DIP2C: variants seen among roughly 807,000 people sequenced by gnomAD.
The protein encoded by DIP2C is DIP2 acetate--CoA ligase C (putative).
DIP2C carries 33 observed loss-of-function variants against 192.4 expected under a neutral mutation model. That is an observed-to-expected ratio of 0.17 (90% CI 0.13 to 0.23). DIP2C has a LOEUF of 0.23. Among genes scored for constraint, DIP2C ranks in the 10% least tolerant of loss-of-function variants. DIP2C has a pLI of 1.00. For synonymous variants in DIP2C, 979 were observed against 864.1 expected (o/e 1.13, Z -2.33); for missense variants, 1,537 against 2,110.1 (o/e 0.73, Z 5.32).
Position 472,457 on chromosome 10 carries a change from C to A in DIP2C, c.250G>T (p.Asp84Tyr), listed in dbSNP as rs777326889. ...TGCTTACCTGACCGATAGCGCTCAT[C>A]TCGTGACCCTGAAGACCGTCGGCGG... is the stretch of plus-strand genomic sequence containing the variant. ...YHRRRSSGSR[D>Y]ERYRSDVHTE... is the part of the protein sequence containing the mutation. The change falls in exon 3 of 37, where the codon GAT becomes TAT. Residue 84 changes from aspartate (D) to tyrosine (Y), a missense_variant. This residue lies in a region of DIP2C where 473 missense variants were observed against 539.6 expected (regional missense o/e 0.88). Coordinates refer to ENST00000280886, the MANE Select transcript of DIP2C (RefSeq NM_014974.3). 1 of 1,614,190 alleles carries A rather than the reference C, an allele frequency of 6.2e-7. No homozygotes were observed. The highest frequency in any genetic ancestry group is 1.1e-5 in the South Asian group (1 of 91,090).
At chr10:411,516 G>C (rs1407484285) in intron 8 of DIP2C, among the ~76,000 whole-genome samples, 1 of 152,186 alleles carries the variant, frequency 6.6e-6, no homozygotes, top group South Asian at 2.1e-4. Flanking sequence ...CGCTTCGTAG[G>C]AAGCTAAATT....
chr10:529,422 C>T (rs1055743420), intron 1 of DIP2C, among the ~76,000 whole-genome samples: 30 of 152,310 alleles, frequency 2.0e-4, no homozygotes, highest in African/African-American at 6.5e-4. Flanking sequence ...AATCTATTCA[C>T]CACGTTGCCA....
intron 3 of DIP2C, among the ~76,000 whole-genome samples, chr10:467,181 C>T (rs1000456664): frequency 6.6e-6 from 1 of 152,114 alleles, no homozygotes; most frequent in Non-Finnish European, 1.5e-5. Flanking sequence ...GGCACATATA[C>T]ACCATGGAAT....
chr10:637,832 G>A (rs1481488806), intron 1 of DIP2C, among the ~76,000 whole-genome samples: 1 of 152,176 alleles, frequency 6.6e-6, no homozygotes, highest in Non-Finnish European at 1.5e-5. Flanking sequence ...CCCAAGACCC[G>A]CTGAGTGCCC....
At chr10:293,708 G>A (rs1409287620) in intron 32 of DIP2C, among the ~76,000 whole-genome samples, 1 of 152,166 alleles carries the variant, frequency 6.6e-6, no homozygotes, top group Non-Finnish European at 1.5e-5. Flanking sequence ...AAGCACATAA[G>A]AGCATTAAAA....
At chr10:688,863 C>T (rs899778608) in intron 1 of DIP2C, among the ~76,000 whole-genome samples, 1 of 152,212 alleles carries the variant, frequency 6.6e-6, no homozygotes, top group East Asian at 1.9e-4. Flanking sequence ...CCGCCCAGCC[C>T]TCCCCGCGCA....
intron 17 of DIP2C, among the ~76,000 whole-genome samples, chr10:381,115 G>T (rs1416653762): frequency 6.6e-6 from 1 of 152,112 alleles, no homozygotes; most frequent in Non-Finnish European, 1.5e-5. Flanking sequence ...GACCAGCATT[G>T]GCTTCTCTCC....
At chr10:619,116 G>A (rs532468552) in intron 1 of DIP2C, among the ~76,000 whole-genome samples, 4 of 152,288 alleles carry the variant, frequency 2.6e-5, no homozygotes, top group Non-Finnish European at 1.5e-5. Flanking sequence ...AAGGCACGGT[G>A]AGCCCCCTTC....
At chr10:642,969 C>T (rs1855274535) in intron 1 of DIP2C, among the ~76,000 whole-genome samples, 1 of 151,948 alleles carries the variant, frequency 6.6e-6, no homozygotes, top group Non-Finnish European at 1.5e-5. Context: ...TTTGGGAGGC[C>T]AAGGTGGGCA....
chr10:688,688 G>C (rs559303318), intron 1 of DIP2C, among the ~76,000 whole-genome samples: 2 of 152,130 alleles, frequency 1.3e-5, no homozygotes, highest in East Asian at 3.9e-4. Flanking sequence ...GGCAAAGCCC[G>C]ATCTGAAACT....
At chr10:590,566 T>G (rs1851340025) in intron 1 of DIP2C, among the ~76,000 whole-genome samples, 1 of 152,196 alleles carries the variant, frequency 6.6e-6, no homozygotes, top group African/African-American at 2.4e-5. Context: ...CTCATTCACA[T>G]TTCGATTCAA....
chr10:367,346 G>A (rs369537540), intron 18 of DIP2C, among the ~76,000 whole-genome samples: 272 of 148,198 alleles, frequency 1.8e-3, no homozygotes, highest in Admixed American at 3.0e-3. Context: ...GAACCCGGGA[G>A]GCAGAGCCTG....
intron 17 of DIP2C, among the ~76,000 whole-genome samples, chr10:377,812 G>A (rs1025117507): frequency 5.3e-5 from 8 of 152,078 alleles, no homozygotes; most frequent in Non-Finnish European, 1.0e-4. Context: ...AGATGGTTGT[G>A]GTGACAAGGG....
At chr10:426,657 T>C (rs532158705) in intron 4 of DIP2C, among the ~76,000 whole-genome samples, 1 of 152,338 alleles carries the variant, frequency 6.6e-6, no homozygotes, top group East Asian at 1.9e-4. Flanking sequence ...AATAGATGTA[T>C]ACATCAAAGG....
intron 1 of DIP2C, among the ~76,000 whole-genome samples, chr10:550,608 C>A (rs1290181620): frequency 2.0e-5 from 3 of 152,182 alleles, no homozygotes. Context: ...AAGCTCTTCT[C>A]CTCCTGGACA....
intron 29 of DIP2C, 48 bp downstream of exon 29, chr10:341,151 G>A (rs751378117): frequency 1.9e-6 from 3 of 1,612,718 alleles, no homozygotes; most frequent in African/African-American, 1.3e-5. Flanking sequence ...GTCTGGAGAG[G>A]AAGGTGCATG....
intron 1 of DIP2C, among the ~76,000 whole-genome samples, chr10:675,481 G>A (rs891651613): frequency 2.6e-5 from 4 of 151,336 alleles, no homozygotes; most frequent in Non-Finnish European, 4.4e-5. Context: ...CAAAAGATGG[G>A]AAAAAATGTT....
chr10:413,890 C>T, intron 8 of DIP2C, 23 bp downstream of exon 8: 1 of 1,607,612 alleles, frequency 6.2e-7, no homozygotes, highest in Non-Finnish European at 8.5e-7. Context: ...GGGCAAAGGG[C>T]AGAGAGTGAG....
At chr10:560,544 C>G (rs1849153921) in intron 1 of DIP2C, among the ~76,000 whole-genome samples, 1 of 152,180 alleles carries the variant, frequency 6.6e-6, no homozygotes, top group Non-Finnish European at 1.5e-5. Context: ...TGATAGGCCT[C>G]TTGATTCTCA....
Sources: allele counts gnomAD v4.1 joint callset (sites outside exome capture counted in the v4.1 genomes callset), GRCh38; gene constraint gnomAD v4.1.1; regional missense constraint gnomAD v4.1.1; transcripts MANE v1.5; gene names NCBI Gene and HGNC (gene_info 2026-07-23, HGNC 2026-07-21).